Variants in SLC22A8 observed in about 807,000 individuals in gnomAD.
SLC22A8 encodes solute carrier family 22 member 8.
Under a neutral mutation model 48.4 loss-of-function variants are expected in SLC22A8, and 40 were observed. That is an observed-to-expected ratio of 0.83 (90% CI 0.64 to 1.08). SLC22A8 has a LOEUF of 1.08. Ranked by LOEUF, SLC22A8 falls within the 50% of genes least tolerant of loss-of-function variation. The pLI, the probability that SLC22A8 is intolerant of heterozygous loss-of-function variation, is 0.00. For missense variants in SLC22A8, 606 were observed against 699.0 expected (o/e 0.87, Z 1.50); for synonymous variants, 268 against 286.3 (o/e 0.94, Z 0.65).
At chr11:63,003,215 G>A (rs1421318187) in intron 2 of SLC22A8, among the ~76,000 whole-genome samples, 1 of 152,232 alleles carries the variant, frequency 6.6e-6, no homozygotes, top group East Asian at 1.9e-4. Context: ...CTTGTGCGAT[G>A]AAGTGGAGAA....
In SLC22A8 at chr11:62,994,523, G is replaced by C. The variant is rs1420937639; in HGVS notation, c.1216+19C>G. On this transcript the variant is annotated intron_variant, in intron 8 of 10. Transcript: ENST00000336232. ...GGCAGCCTCTTCCAGAGGGTTCTGGGGTAGCCCCAGTCTCTCACCCAAGGG... is the reference window on the plus strand; with the variant it reads ...GGCAGCCTCTTCCAGAGGGTTCTGGCGTAGCCCCAGTCTCTCACCCAAGGG... 1.3e-6 allele frequency: 2 copies of C among 1,570,136 alleles called. No homozygotes were observed. The highest frequency in any genetic ancestry group is 1.7e-6 in the Non-Finnish European group (2 of 1,153,170).
intron 2 of SLC22A8, among the ~76,000 whole-genome samples, chr11:63,012,230 T>A (rs1291244884): frequency 6.6e-6 from 1 of 152,112 alleles, no homozygotes; most frequent in Admixed American, 6.5e-5. Flanking sequence ...CCTCAGGTGA[T>A]CTGCCTGCCT....
Position 62,993,044 on chromosome 11 carries a change from G to A in SLC22A8, c.*193C>T. ...GGGCCTGGGTTGCAGGGAGAACAAGGGCAGGGATGGCTGAACCTTTGAACT... is the reference window on the plus strand; with the variant it reads ...GGGCCTGGGTTGCAGGGAGAACAAGAGCAGGGATGGCTGAACCTTTGAACT... On this transcript the variant is annotated 3_prime_UTR_variant, in exon 11 of 11. Transcript: ENST00000336232. 1.7e-6 allele frequency: 1 copy of A among 591,724 alleles called. No homozygotes were observed. The highest frequency in any genetic ancestry group is 3.0e-6 in the Non-Finnish European group (1 of 332,646). 36.7% of individuals were successfully genotyped at this position (591,724 alleles called of 1,614,324 possible).
intron 5 of SLC22A8, 56 bp from the exon 6 acceptor site, chr11:62,996,208 A>G: frequency 6.6e-7 from 1 of 1,523,186 alleles, no homozygotes; most frequent in Non-Finnish European, 8.8e-7. Flanking sequence ...CCCTTTTGAG[A>G]GGCTGGAAGA....
At chr11:63,006,708 A>G (rs910622535) in intron 2 of SLC22A8, among the ~76,000 whole-genome samples, 3 of 143,886 alleles carry the variant, frequency 2.1e-5, no homozygotes, top group Non-Finnish European at 4.5e-5. Context: ...CCCAGGTTCA[A>G]GTGATTCTCC....
At position 62,994,789 on chromosome 11, in the gene SLC22A8, C is replaced by T. The variant is rs372582411; in HGVS notation, c.1002-33G>A. On this transcript the variant is annotated intron_variant, in intron 7 of 10. Transcript: ENST00000336232. ...GCAGAGAAGGATTGGTTAGCACCTGCAGCCAGGCAGAGGCCACTCCCCATG... is the reference window on the plus strand; with the variant it reads ...GCAGAGAAGGATTGGTTAGCACCTGTAGCCAGGCAGAGGCCACTCCCCATG... 7.0e-6 allele frequency: 11 copies of T among 1,566,640 alleles called. 1 individual carries two copies. Among genetic ancestry groups the T allele is most frequent in the Non-Finnish European group, 9.7e-6 (11 of 1,136,958 alleles).
intron 2 of SLC22A8, among the ~76,000 whole-genome samples, chr11:63,006,284 G>A (rs1354216777): frequency 6.6e-6 from 1 of 152,078 alleles, no homozygotes; most frequent in African/African-American, 2.4e-5. Context: ...TCTTTGCTTT[G>A]GTGCTGGTTA....
At chr11:62,999,998 T>C (rs763377344) in intron 3 of SLC22A8, 156 bp from the exon 4 acceptor site, 1 of 241,148 alleles carries the variant, frequency 4.1e-6, no homozygotes, top group Non-Finnish European at 6.7e-6. Context: ...TTCTTGGTAA[T>C]TGCTATTTTT....
chr11:62,993,744 G>A, intron 9 of SLC22A8, 26 bp downstream of exon 9: 2 of 1,595,992 alleles, frequency 1.3e-6, no homozygotes, highest in Non-Finnish European at 8.6e-7. Context: ...CCTCTGGCTG[G>A]GCCTGGCCCC....
chr11:62,995,798 T>C lies in SLC22A8; in HGVS notation c.907A>G (p.Lys303Glu). 6.2e-7 allele frequency: 1 copy of C among 1,614,010 alleles called. No homozygotes were observed. The highest frequency in any genetic ancestry group is 8.5e-7 in the Non-Finnish European group (1 of 1,179,926). Reference protein sequence around the residue: ...SLEELKLNLQKEISLAKAKYT... With the variant: ...SLEELKLNLQEEISLAKAKYT... ...TTGGCCTTGGCCAAGGAGATCTCCT[T>C]CTGCAGGTTGAGTTTGAGCTCCTTC... The change falls in exon 7 of 11, where the codon AAG (lysine) becomes GAG (glutamate). Residue 303 changes from lysine to glutamate, a missense_variant. By Grantham distance (56) the Lys-to-Glu change is moderately conservative. Coordinates refer to ENST00000336232, the MANE Select transcript of SLC22A8 (RefSeq NM_004254.4).
intron 2 of SLC22A8, among the ~76,000 whole-genome samples, chr11:63,008,240 G>A (rs1429773778): frequency 6.6e-6 from 1 of 152,230 alleles, no homozygotes; most frequent in Non-Finnish European, 1.5e-5. Flanking sequence ...GTCAGGACGA[G>A]CCATTTGTGA....
At chr11:63,004,407 G>A (rs1454688318) in intron 2 of SLC22A8, among the ~76,000 whole-genome samples, 1 of 152,052 alleles carries the variant, frequency 6.6e-6, no homozygotes, top group Non-Finnish European at 1.5e-5. Context: ...CTCCACTCTC[G>A]TTGAATTGTT....
intron 3 of SLC22A8, among the ~76,000 whole-genome samples, chr11:63,000,070 A>G (rs764574514): frequency 1.2e-4 from 18 of 152,258 alleles, no homozygotes; most frequent in Non-Finnish European, 2.6e-4. Context: ...GCCTCAGCTT[A>G]GCTGACTGAG....
intron 2 of SLC22A8, among the ~76,000 whole-genome samples, chr11:63,012,348 T>C (rs1027102720): frequency 2.0e-5 from 3 of 152,122 alleles, no homozygotes; most frequent in African/African-American, 7.2e-5. Context: ...CTCTTCCTTT[T>C]GCCTGGGGTT....
At chr11:63,009,545 C>T (rs1314629531) in intron 2 of SLC22A8, among the ~76,000 whole-genome samples, 1 of 152,190 alleles carries the variant, frequency 6.6e-6, no homozygotes, top group African/African-American at 2.4e-5. Flanking sequence ...GGGGTACGTG[C>T]CTCTCCAGGG....
intron 4 of SLC22A8, 176 bp from the exon 5 acceptor site, chr11:62,999,265 C>A (rs770580419): frequency 1.7e-6 from 1 of 579,916 alleles, no homozygotes; most frequent in East Asian, 2.8e-5. Context: ...AGTTCATCAT[C>A]CCCATTTTAC....
intron 8 of SLC22A8, 74 bp downstream of exon 8, chr11:62,994,467 AG>A: frequency 9.1e-7 from 1 of 1,098,196 alleles, no homozygotes; most frequent in South Asian, 1.4e-5. Context: ...TTAGAGGCAG[AG>A]CCAGCAGTGA....
intron 4 of SLC22A8, 51 bp from the exon 5 acceptor site, chr11:62,999,140 C>T (rs1227166628): frequency 1.3e-6 from 2 of 1,535,786 alleles, no homozygotes; most frequent in Non-Finnish European, 1.8e-6. Context: ...GTCCCAGGCA[C>T]CTCCGCGTGA....
At chr11:62,997,959 C>CT (rs999669982) in intron 5 of SLC22A8, among the ~76,000 whole-genome samples, 7 of 151,274 alleles carry the variant, frequency 4.6e-5, no homozygotes, top group Non-Finnish European at 3.0e-5. Context: ...CTCTGACTAC[C>CT]TTTTTTTTTG....
Sources: allele counts gnomAD v4.1 joint callset (sites outside exome capture counted in the v4.1 genomes callset), GRCh38; gene constraint gnomAD v4.1.1; transcripts MANE v1.5; gene names NCBI Gene and HGNC (gene_info 2026-07-23, HGNC 2026-07-21).